Variants in FSTL1 observed in about 807,000 individuals in gnomAD.
FSTL1 encodes follistatin-related protein 1.
In FSTL1, 24 loss-of-function variants were observed where a neutral mutation model predicts 45.9. That is an observed-to-expected ratio of 0.52 (90% confidence interval 0.38 to 0.74). FSTL1 has a LOEUF of 0.74. Among genes scored for constraint, FSTL1 ranks in the 30% least tolerant of loss-of-function variants. The pLI, the probability that FSTL1 is intolerant of heterozygous loss-of-function variation, is 0.00. For missense variants in FSTL1, 340 were observed against 381.8 expected (o/e 0.89, Z 0.91); for synonymous variants, 120 against 137.6 (o/e 0.87, Z 0.89).
intron 5 of FSTL1, 43 bp downstream of exon 5, chr3:120,410,909 T>C: frequency 7.5e-6 from 11 of 1,459,514 alleles, no homozygotes; most frequent in Non-Finnish European, 8.7e-6. Context: ...ATGAAAAGAA[T>C]GTCCTCCCTG....
At chr3:120,448,004 T>C (rs779239103) in intron 2 of FSTL1, among the ~76,000 whole-genome samples, 19 of 152,238 alleles carry the variant, frequency 1.2e-4, no homozygotes, top group Admixed American at 3.3e-4. Context: ...GGGATTGACA[T>C]AGACTGGCAT....
At chr3:120,422,342 A>G (rs1052107679) in intron 2 of FSTL1, among the ~76,000 whole-genome samples, 3 of 152,258 alleles carry the variant, frequency 2.0e-5, no homozygotes, top group African/African-American at 7.2e-5. Flanking sequence ...TTTTCTCAAC[A>G]TGCACACACA....
intron 5 of FSTL1, chr3:120,409,890 A>G (rs1012559416): frequency 1.6e-5 from 6 of 365,512 alleles, no homozygotes; most frequent in Admixed American, 8.8e-5. Context: ...TGAAACAGAG[A>G]GATTTTGCTG....
intron 3 of FSTL1, among the ~76,000 whole-genome samples, chr3:120,412,838 GCACACACACACACACACA>G (rs71156798): frequency 1.9e-5 from 2 of 106,132 alleles, no homozygotes; most frequent in African/African-American, 3.4e-5. Flanking sequence ...GCGCGCGCGC[GCACACACACACACACACA>G]CACACACACA....
intron 3 of FSTL1, 26 bp from the exon 4 acceptor site, chr3:120,412,009 T>G (rs746444048): frequency 2.5e-6 from 4 of 1,599,558 alleles, no homozygotes; most frequent in South Asian, 1.1e-5. Flanking sequence ...AAGAGAATGT[T>G]TGTGCAGTTA....
intron 3 of FSTL1, among the ~76,000 whole-genome samples, chr3:120,415,541 A>G (rs780120353): frequency 1.2e-4 from 19 of 152,256 alleles, no homozygotes; most frequent in Non-Finnish European, 2.5e-4. Context: ...TATAAACCCT[A>G]TGCTTATAGT....
chr3:120,441,558 A>G (rs931531262), intron 2 of FSTL1, among the ~76,000 whole-genome samples: 2 of 152,276 alleles, frequency 1.3e-5, no homozygotes, highest in African/African-American at 4.8e-5. Flanking sequence ...TTAAAAAAGA[A>G]GGTGATAATT....
chr3:120,405,909 T>C (rs1311355342), intron 6 of FSTL1, among the ~76,000 whole-genome samples: 1 of 152,126 alleles, frequency 6.6e-6, no homozygotes, highest in Admixed American at 6.5e-5. Context: ...TCCTCCCAAA[T>C]CCTTTCCCTA....
chr3:120,450,618 C>A, intron 2 of FSTL1, 66 bp downstream of exon 2: 4 of 1,137,234 alleles, frequency 3.5e-6, no homozygotes, highest in Non-Finnish European at 4.8e-6. Flanking sequence ...CGCGCGCCCA[C>A]CCGCCCAGCG....
chr3:120,428,195 A>C (rs1485229498), intron 2 of FSTL1, among the ~76,000 whole-genome samples: 1 of 152,142 alleles, frequency 6.6e-6, no homozygotes, highest in African/African-American at 2.4e-5. Context: ...CACTAGGCTG[A>C]CCTTGCAGTG....
At chr3:120,406,496 G>A (rs1435786409) in intron 6 of FSTL1, among the ~76,000 whole-genome samples, 2 of 152,198 alleles carry the variant, frequency 1.3e-5, no homozygotes, top group Non-Finnish European at 2.9e-5. Context: ...CCACAGTCCA[G>A]GCAGCTCTCA....
chr3:120,408,907 T>C (rs946911618), intron 6 of FSTL1, among the ~76,000 whole-genome samples: 4 of 152,230 alleles, frequency 2.6e-5, no homozygotes, highest in African/African-American at 9.6e-5. Context: ...CTGCATGGCA[T>C]GATAACCCGA....
At chr3:120,413,938 T>G (rs1319890007) in intron 3 of FSTL1, among the ~76,000 whole-genome samples, 1 of 151,888 alleles carries the variant, frequency 6.6e-6, no homozygotes, top group African/African-American at 2.4e-5. Flanking sequence ...ATTGCAGGCT[T>G]GCGCCGCCAT....
In FSTL1 at chr3:120,449,945, T is replaced by G. The variant is rs550319732; in HGVS notation, c.63+739A>C. ...TGTTTATTTTCTGTCCATAAACCTT[T>G]GAGTTAATGGAGCGGCTTCTGAGCA... is the stretch of plus-strand genomic sequence containing the variant. On this transcript the variant is annotated intron_variant, in intron 2 of 10. Transcript: ENST00000295633. Among the ~76,000 whole-genome samples, 70 of 152,318 alleles carry G rather than the reference T, an allele frequency of 4.6e-4. 1 individual carries two copies. The highest frequency in any genetic ancestry group is 1.5e-3 in the African/African-American group (64 of 41,570).
At chr3:120,448,643 A>G (rs1439116190) in intron 2 of FSTL1, among the ~76,000 whole-genome samples, 2 of 151,966 alleles carry the variant, frequency 1.3e-5, no homozygotes, top group South Asian at 2.1e-4. Context: ...TTCTCCCCCA[A>G]CGCACTCTGT....
At chr3:120,417,135 G>A (rs1937199945) in intron 2 of FSTL1, among the ~76,000 whole-genome samples, 1 of 152,150 alleles carries the variant, frequency 6.6e-6, no homozygotes, top group Non-Finnish European at 1.5e-5. Context: ...GGCACGATGG[G>A]GTCATGGGGC....
intron 10 of FSTL1, among the ~76,000 whole-genome samples, chr3:120,399,570 C>T (rs1560010030): frequency 6.6e-6 from 1 of 152,220 alleles, no homozygotes; most frequent in Non-Finnish European, 1.5e-5. Flanking sequence ...AGGATACACA[C>T]TTCCTTAAAC....
At chr3:120,429,795 G>C (rs1049249635) in intron 2 of FSTL1, among the ~76,000 whole-genome samples, 27 of 152,186 alleles carry the variant, frequency 1.8e-4, no homozygotes, top group African/African-American at 6.3e-4. Flanking sequence ...GACCATCTTT[G>C]CTTCTAAGTC....
chr3:120,426,898 G>A (rs1937392334), intron 2 of FSTL1, among the ~76,000 whole-genome samples: 1 of 152,122 alleles, frequency 6.6e-6, no homozygotes, highest in Non-Finnish European at 1.5e-5. Context: ...AGGGACCCTG[G>A]ATACTGAAAG....
Sources: gnomAD v4.1 joint callset for allele counts (sites outside exome capture counted in the v4.1 genomes callset) on GRCh38, gnomAD v4.1.1 for gene constraint, MANE v1.5 for transcripts, NCBI Gene and HGNC (gene_info 2026-07-23, HGNC 2026-07-21) for gene names.